The following UBAP2 variants were observed in gnomAD, a reference collection of about 807,000 sequenced individuals.
UBAP2 encodes the protein ubiquitin-associated protein 2.
Under a neutral mutation model 139.6 loss-of-function variants are expected in UBAP2, and 75 were observed. The observed-to-expected ratio is 0.54, with a 90% CI of 0.45 to 0.65. The LOEUF is 0.65. UBAP2 is among the 30% of genes least tolerant of loss of function. UBAP2 has a pLI of 0.00. For missense variants in UBAP2, 1,368 were observed against 1,369.6 expected (o/e 1.00, Z 0.02); for synonymous variants, 526 against 526.2 (o/e 1.00, Z 0.01).
intron 3 of UBAP2, chr9:33,998,251 A>C (rs1822364221): frequency 6.6e-6 from 1 of 152,492 alleles, no homozygotes; most frequent in African/African-American, 2.4e-5. Context: ...TTTAAAAATT[A>C]GCTGGGCATG....
At chr9:33,946,800 T>C (rs12682795) in intron 13 of UBAP2, among the ~76,000 whole-genome samples, 20,040 of 152,202 alleles carry the variant, frequency 0.13, 1,578 homozygotes, top group South Asian at 0.33. Context: ...ACAGGTTTTA[T>C]AAAGAATATG....
intron 19 of UBAP2, among the ~76,000 whole-genome samples, chr9:33,929,090 G>T (rs528244819): frequency 2.6e-5 from 4 of 152,202 alleles, no homozygotes; most frequent in Admixed American, 6.5e-5. Context: ...CACCAGGAGC[G>T]GGCCAAAGGA....
At chr9:34,037,517 C>G (rs571479880) in intron 1 of UBAP2, among the ~76,000 whole-genome samples, 1 of 152,318 alleles carries the variant, frequency 6.6e-6, no homozygotes, top group Admixed American at 6.5e-5. Flanking sequence ...TGTTTCAAAA[C>G]TTAGGGTTGG....
intron 6 of UBAP2, 37 bp downstream of exon 6, chr9:33,986,723 A>G (rs1821249417): frequency 3.8e-6 from 6 of 1,570,550 alleles, no homozygotes; most frequent in Non-Finnish European, 5.3e-6. Flanking sequence ...TCTTCCCCCT[A>G]ATTGAAAGCA....
chr9:34,012,695 C>T (rs1429509047), intron 2 of UBAP2, among the ~76,000 whole-genome samples: 2 of 151,880 alleles, frequency 1.3e-5, no homozygotes, highest in African/African-American at 2.4e-5. Context: ...ACTTGTCAAA[C>T]GTTTCTGGGA....
intron 6 of UBAP2, 25 bp from the exon 7 acceptor site, chr9:33,973,262 T>C (rs1473205826): frequency 1.2e-6 from 2 of 1,607,076 alleles, no homozygotes; most frequent in Admixed American, 1.7e-5. Context: ...ACAATTATAG[T>C]ATAAAATAAT....
At chr9:33,955,987 GAA>G in intron 11 of UBAP2, 90 bp downstream of exon 11, 1 of 1,001,314 alleles carries the variant, frequency 1.0e-6, no homozygotes, top group South Asian at 1.6e-5. Context: ...GGAAAAAATA[GAA>G]AGAGACCCAA....
intron 1 of UBAP2, among the ~76,000 whole-genome samples, chr9:34,023,044 G>A (rs71521204): frequency 0.026 from 4,020 of 152,058 alleles, 106 homozygotes; most frequent in Middle Eastern, 0.062. Flanking sequence ...GGCTAATACA[G>A]TGAAACCCTG....
intron 1 of UBAP2, among the ~76,000 whole-genome samples, chr9:34,026,418 G>A (rs1348069578): frequency 6.6e-6 from 1 of 152,044 alleles, no homozygotes; most frequent in Non-Finnish European, 1.5e-5. Flanking sequence ...ATTACATAAT[G>A]GGCTAAGGGT....
chr9:33,959,177 AT>A (rs1174388915), intron 10 of UBAP2, among the ~76,000 whole-genome samples: 1 of 151,974 alleles, frequency 6.6e-6, no homozygotes, highest in Non-Finnish European at 1.5e-5. Flanking sequence ...TAAAGTACTT[AT>A]TTTTTACAAG....
chr9:33,968,303 G>T, intron 8 of UBAP2: 1 of 602,918 alleles, frequency 1.7e-6, no homozygotes. Context: ...CACCAAGAAA[G>T]CTACTGGCCT....
intron 3 of UBAP2, chr9:33,996,596 C>T (rs1023795065): frequency 6.5e-5 from 24 of 366,594 alleles, no homozygotes; most frequent in African/African-American, 4.6e-4. Context: ...CAGCAGCACA[C>T]ACATACGTAC....
intron 9 of UBAP2, among the ~76,000 whole-genome samples, chr9:33,961,317 G>C (rs957908320): frequency 6.6e-6 from 1 of 152,102 alleles, no homozygotes; most frequent in Admixed American, 6.6e-5. Flanking sequence ...ATTTCAGGTG[G>C]ATTACTGAAT....
rs144938708 is a variant in UBAP2 at position 34,025,216 on chromosome 9, T to C, written c.-41-8027A>G. Among the ~76,000 whole-genome samples the C allele has an allele frequency of 7.8e-3, 1,192 of 152,248 alleles. 10 individuals are homozygous for C. The highest frequency in any genetic ancestry group is 0.013 in the Non-Finnish European group (885 of 68,024). ...TGGAGCTGTGTGTAGTAAATAGGAA[T>C]GCTTCTACAACAAGTACCCAGTTGC... On this transcript the variant is annotated intron_variant, in intron 1 of 28. Transcript: ENST00000379238.
In UBAP2 at chr9:33,927,977, T is replaced by G. The variant is rs147134279; in HGVS notation, c.2191A>C (p.Ser731Arg). The G allele has an allele frequency of 1.9e-6, 3 of 1,612,634 alleles. No homozygotes were observed. The African/African-American group carries it at 4.0e-5, about 22-fold the overall frequency. ...GCTGAGGACTGGTGGGAAGAGGCGC[T>G]CTCCACACTGGCATGCTGGCAAAAG... Reference protein sequence around the residue: ...STSHTHASVESASSHQSSATF... With the variant: ...STSHTHASVERASSHQSSATF... The change falls in exon 20 of 29, where the codon AGC (serine) becomes CGC (arginine). Residue 731 changes from serine to arginine, a missense_variant. Physicochemically the swap from Ser to Arg is moderately radical, Grantham distance 110. Coordinates refer to ENST00000379238, the MANE Select transcript of UBAP2 (RefSeq NM_001370062.2).
chr9:34,036,114 TTTTC>T (rs1226258157), intron 1 of UBAP2, among the ~76,000 whole-genome samples: 1 of 151,882 alleles, frequency 6.6e-6, no homozygotes, highest in African/African-American at 2.4e-5. Context: ...TTTGATACTT[TTTTC>T]TTTTTTTTTT....
chr9:34,039,847 TAA>T (rs74180526), intron 1 of UBAP2, among the ~76,000 whole-genome samples: 1,184 of 84,358 alleles, frequency 0.014, 22 homozygotes, highest in African/African-American at 0.048. Context: ...CAATAAATAC[TAA>T]AAAAAAAAAA....
chr9:34,009,207 C>G (rs1823524842), intron 2 of UBAP2, among the ~76,000 whole-genome samples: 1 of 151,564 alleles, frequency 6.6e-6, no homozygotes, highest in African/African-American at 2.4e-5. Context: ...TCAAGTGATT[C>G]TTGTGCCTCA....
intron 1 of UBAP2, among the ~76,000 whole-genome samples, chr9:34,022,355 C>G (rs1186627274): frequency 6.6e-6 from 1 of 151,996 alleles, no homozygotes; most frequent in Non-Finnish European, 1.5e-5. Context: ...CCTGTAAGTC[C>G]CAGCTATTCA....
Sources: allele counts gnomAD v4.1 joint callset (sites outside exome capture counted in the v4.1 genomes callset), GRCh38; gene constraint gnomAD v4.1.1; transcripts MANE v1.5; gene names NCBI Gene and HGNC (gene_info 2026-07-23, HGNC 2026-07-21).